PCDHGA1: variants seen among roughly 807,000 people sequenced by gnomAD.
The protein encoded by PCDHGA1 is protocadherin gamma subfamily A, 1.
A neutral mutation model predicts 58.0 loss-of-function variants in PCDHGA1; 32 were observed. That is an observed-to-expected ratio of 0.55 (90% confidence interval 0.42 to 0.74). The LOEUF is 0.74. Among genes scored for constraint, PCDHGA1 ranks in the 30% least tolerant of loss-of-function variants. The pLI, the probability that PCDHGA1 is intolerant of heterozygous loss-of-function variation, is 0.00. For missense variants in PCDHGA1, 1,205 were observed against 1,182.3 expected (o/e 1.02, Z -0.28); for synonymous variants, 498 against 501.1 (o/e 0.99, Z 0.08).
Position 141,432,206 on chromosome 5 carries a change from G to T in PCDHGA1, c.2422-62601G>T, listed in dbSNP as rs551220443. ...GACCGCCCACGACCCCGACTGTGAA[G>T]AGAACGCCCAGATCACTTATTCCCT... On this transcript the variant is annotated intron_variant, in intron 1 of 3. Coordinates refer to ENST00000517417, the MANE Select transcript of PCDHGA1 (RefSeq NM_018912.3). The surrounding 1 kb of genome is among the most constrained non-coding windows in gnomAD (Gnocchi z 6.0). 12 of 1,614,214 alleles carry T rather than the reference G, an allele frequency of 7.4e-6. No individual in the cohort carries two copies. The Admixed American group carries it at 8.3e-5, about 11-fold the overall frequency.
intron 1 of PCDHGA1, chr5:141,361,695 C>G (rs754328997): frequency 8.1e-6 from 13 of 1,613,468 alleles, no homozygotes; most frequent in Non-Finnish European, 1.0e-5. Flanking sequence ...AGCGCGCCTT[C>G]GATCATGAGC....
At chr5:141,438,396 ACT>A (rs2097958956) in intron 1 of PCDHGA1, among the ~76,000 whole-genome samples, 2 of 150,930 alleles carry the variant, frequency 1.3e-5, no homozygotes, top group African/African-American at 4.9e-5. Context: ...TTCATCATTA[ACT>A]CTCTGAAGTA....
intron 1 of PCDHGA1, chr5:141,415,797 C>G (rs940812419): frequency 3.9e-5 from 52 of 1,331,434 alleles, no homozygotes; most frequent in Non-Finnish European, 4.8e-5. Context: ...TTCACCTAGT[C>G]TCAATCAAGG....
intron 2 of PCDHGA1, among the ~76,000 whole-genome samples, chr5:141,501,052 A>G (rs1007055288): frequency 6.6e-6 from 1 of 151,988 alleles, no homozygotes; most frequent in Non-Finnish European, 1.5e-5. Flanking sequence ...TATTTTTAGT[A>G]GAGACGGGGT....
chr5:141,478,560 A>G, intron 1 of PCDHGA1: 1 of 1,598,736 alleles, frequency 6.3e-7, no homozygotes, highest in Non-Finnish European at 8.5e-7. Flanking sequence ...AGGTTTAGCA[A>G]GTCATGCTTG....
chr5:141,331,837 T>A lies in PCDHGA1; in HGVS notation c.1153T>A (p.Phe385Ile). 6.2e-7 allele frequency: 1 copy of A among 1,614,178 alleles called. No homozygotes were observed. Reference protein sequence around the residue: ...DSGDNGYTTCFIPGNLPFKLE... With the variant: ...DSGDNGYTTCIIPGNLPFKLE... ...AGGAGACAATGGCTACACCACATGTTTCATTCCTGGAAATTTACCCTTTAA... is the reference window on the plus strand; with the variant it reads ...AGGAGACAATGGCTACACCACATGTATCATTCCTGGAAATTTACCCTTTAA... Residue 385 changes from phenylalanine to isoleucine, a missense_variant, in exon 1 of 4, where the codon TTC (phenylalanine) becomes ATC (isoleucine). Transcript: ENST00000517417.
intron 1 of PCDHGA1, among the ~76,000 whole-genome samples, chr5:141,461,046 G>A (rs984653754): frequency 6.6e-6 from 1 of 151,578 alleles, no homozygotes; most frequent in Non-Finnish European, 1.5e-5. Context: ...AGTCGATGGG[G>A]ACTTAGGTTG....
intron 1 of PCDHGA1, among the ~76,000 whole-genome samples, chr5:141,482,884 C>A (rs2099574053): frequency 6.6e-6 from 1 of 152,116 alleles, no homozygotes; most frequent in Non-Finnish European, 1.5e-5. Flanking sequence ...CCAGCCTGGC[C>A]AACATGGTGA....
chr5:141,452,088 AAG>A (rs1200732162), intron 1 of PCDHGA1, among the ~76,000 whole-genome samples: 2 of 152,206 alleles, frequency 1.3e-5, no homozygotes, highest in African/African-American at 4.8e-5. Flanking sequence ...ATTATACAGT[AAG>A]AAAGAGCTTT....
chr5:141,363,913 T>C (rs2149851693), intron 1 of PCDHGA1, among the ~76,000 whole-genome samples: 1 of 152,252 alleles, frequency 6.6e-6, no homozygotes, highest in East Asian at 1.9e-4. Context: ...AAATAAAATT[T>C]TTGTAAGGTA....
At position 141,331,404 on chromosome 5, in the gene PCDHGA1, A is replaced by G. The variant is rs1220205797; in HGVS notation, c.720A>G (p.Pro240=). 8.1e-6 allele frequency: 13 copies of G among 1,614,070 alleles called. No homozygotes were observed. Among genetic ancestry groups the G allele is most frequent in the African/African-American group, 1.3e-5 (1 of 74,916 alleles). Residue 240 remains proline, a synonymous_variant, in exon 1 of 4, where the codon CCA becomes CCG. Transcript: ENST00000517417. ...TGGTGGATGCAAATGACAATCCTCC[A>G]GCATTTACTCAGGCACAATACCATA... The part of the protein sequence containing the change: ...IQVVDANDNP[P]AFTQAQYHIN...
rs1431906047 is a variant in PCDHGA1, at chr5:141,485,858, C to T, written c.2422-8949C>T. On this transcript the variant is annotated intron_variant, in intron 1 of 3. Transcript: ENST00000517417. This position sits in a 1 kb window ranked among gnomAD's most constrained non-coding sequence, Gnocchi z 5.7. ...GCCGAGATCTGGCACCGCAGAGCTC[C>T]GGGTATCCGTGCTGGACGTAAACGA... The T allele has an allele frequency of 1.9e-6, 3 of 1,614,162 alleles. No individual in the cohort carries two copies. The highest frequency in any genetic ancestry group is 2.5e-6 in the Non-Finnish European group (3 of 1,180,028).
At position 141,432,436 on chromosome 5, in the gene PCDHGA1, G is replaced by C; in HGVS notation, c.2422-62371G>C. ...TCGTGCTGGACCAGAACGACAATGC[G>C]CCCGAGATCCTGTACCCCGCCCTCC... On this transcript the variant is annotated intron_variant, in intron 1 of 3. Transcript: ENST00000517417. This position sits in a 1 kb window ranked among gnomAD's most constrained non-coding sequence, Gnocchi z 6.0. 1 of 1,614,196 alleles carries C rather than the reference G, an allele frequency of 6.2e-7. No individual in the cohort carries two copies. Among genetic ancestry groups the C allele is most frequent in the Middle Eastern group, 1.6e-4 (1 of 6,062 alleles).
At chr5:141,385,981 A>G (rs2090416620) in intron 1 of PCDHGA1, 1 of 152,244 alleles carries the variant, frequency 6.6e-6, no homozygotes, top group Non-Finnish European at 1.5e-5. Flanking sequence ...AACCAATAAA[A>G]TATGTCAAAT....
intron 1 of PCDHGA1, chr5:141,414,274 G>C: frequency 1.9e-6 from 3 of 1,613,368 alleles, no homozygotes; most frequent in Non-Finnish European, 2.5e-6. Flanking sequence ...TTCACCTCTG[G>C]GAACAGTCGT....
At position 141,332,563 on chromosome 5, in the gene PCDHGA1, C is replaced by A. The variant is rs1390514903; in HGVS notation, c.1879C>A (p.Arg627Ser). The change falls in exon 1 of 4, where the codon CGC becomes AGC. Residue 627 changes from arginine (R) to serine (S), a missense_variant. Arg to Ser is a moderately radical substitution (Grantham distance 110). Coordinates refer to ENST00000517417, the MANE Select transcript of PCDHGA1 (RefSeq NM_018912.3). This position sits in a 1 kb window ranked among gnomAD's most constrained non-coding sequence, Gnocchi z 4.6. ...GGTGGGTCTGCACACGGGCGAGGTG[C>A]GCACGGCGCGAGCCCTGCTGGACAG... is the stretch of plus-strand genomic sequence containing the variant. ...FSVGLHTGEV[R>S]TARALLDRDA... The A allele has an allele frequency of 6.2e-7, 1 of 1,612,472 alleles. No homozygotes were observed. The highest frequency in any genetic ancestry group is 8.5e-7 in the Non-Finnish European group (1 of 1,179,834).
chr5:141,501,530 G>T (rs556760554), intron 2 of PCDHGA1, among the ~76,000 whole-genome samples: 1 of 151,998 alleles, frequency 6.6e-6, no homozygotes, highest in East Asian at 1.9e-4. Flanking sequence ...AGCCCAGTAC[G>T]TTGTTGTGCA....
At chr5:141,446,401 T>C (rs1321106896) in intron 1 of PCDHGA1, among the ~76,000 whole-genome samples, 1 of 152,166 alleles carries the variant, frequency 6.6e-6, no homozygotes, top group African/African-American at 2.4e-5. Context: ...AGAAATCGAG[T>C]TGAGTTCCAG....
Position 141,477,782 on chromosome 5 carries a change from T to G in PCDHGA1, c.2422-17025T>G, listed in dbSNP as rs763675478. 1.2e-5 allele frequency: 20 copies of G among 1,613,902 alleles called. No individual in the cohort carries two copies. Among genetic ancestry groups the G allele is most frequent in the Non-Finnish European group, 1.7e-5 (20 of 1,180,042 alleles). ...AGCCACCAACATCAGCGTGAACATA[T>G]TTGTCACTGATCGCAATGACAATGC... On this transcript the variant is annotated intron_variant, in intron 1 of 3. Coordinates refer to ENST00000517417, the MANE Select transcript of PCDHGA1 (RefSeq NM_018912.3). The surrounding 1 kb of genome is among the most constrained non-coding windows in gnomAD (Gnocchi z 4.9).
Sources: gnomAD v4.1 joint callset for allele counts (sites outside exome capture counted in the v4.1 genomes callset) on GRCh38, gnomAD v4.1.1 for gene constraint, Gnocchi (gnomAD v3.1) non-coding constraint, MANE v1.5 for transcripts, NCBI Gene and HGNC (gene_info 2026-07-23, HGNC 2026-07-21) for gene names.